The following BCAR3 variants were observed in gnomAD, a reference collection of about 807,000 sequenced individuals.
BCAR3 encodes BCAR3 adaptor protein, NSP family member.
In BCAR3, 37 loss-of-function variants were observed where a neutral mutation model predicts 80.1. That is an observed-to-expected ratio of 0.46 (90% CI 0.36 to 0.61). The LOEUF is 0.61. BCAR3 is among the 20% of genes least tolerant of loss of function. The pLI is 0.00. For synonymous variants in BCAR3, 389 were observed against 418.9 expected (o/e 0.93, Z 0.87); for missense variants, 978 against 1,068.2 (o/e 0.92, Z 1.18).
intron 2 of BCAR3, among the ~76,000 whole-genome samples, chr1:93,718,908 C>A (rs1002432213): frequency 2.0e-5 from 3 of 151,216 alleles, no homozygotes; most frequent in African/African-American, 4.9e-5. Flanking sequence ...CCCTATGTTG[C>A]CCAAGCTGGT....
chr1:93,720,593 G>A (rs1055642082), intron 2 of BCAR3, among the ~76,000 whole-genome samples: 3 of 152,176 alleles, frequency 2.0e-5, no homozygotes, highest in Non-Finnish European at 4.4e-5. Context: ...TCGATGCTCC[G>A]GTGCTGCGAC....
At chr1:93,728,504 A>G (rs151182079) in intron 2 of BCAR3, among the ~76,000 whole-genome samples, 23 of 152,320 alleles carry the variant, frequency 1.5e-4, no homozygotes, top group African/African-American at 5.3e-4. Context: ...GCCTTGGTGT[A>G]CCAGAAGAAT....
intron 1 of BCAR3, among the ~76,000 whole-genome samples, chr1:93,679,323 A>G (rs1000648563): frequency 3.3e-5 from 5 of 152,212 alleles, no homozygotes; most frequent in Non-Finnish European, 7.3e-5. Context: ...GGGTTCACAA[A>G]GGAAGTAACT....
At chr1:93,798,055 T>C (rs925657166) in intron 2 of BCAR3, among the ~76,000 whole-genome samples, 1 of 152,214 alleles carries the variant, frequency 6.6e-6, no homozygotes, top group African/African-American at 2.4e-5. Context: ...ACAAACCTTA[T>C]GAACTACTGT....
At chr1:93,580,753 A>C (rs980380685) in intron 7 of BCAR3, among the ~76,000 whole-genome samples, 1 of 152,216 alleles carries the variant, frequency 6.6e-6, no homozygotes, top group Non-Finnish European at 1.5e-5. Context: ...GAAGGTCCTA[A>C]AACGAATCCC....
intron 2 of BCAR3, among the ~76,000 whole-genome samples, chr1:93,732,134 G>A (rs1380112788): frequency 6.6e-6 from 1 of 152,248 alleles, no homozygotes; most frequent in Non-Finnish European, 1.5e-5. Context: ...GAGGTTCACA[G>A]AACGGGTGGC....
At chr1:93,724,756 C>T (rs1004157776) in intron 2 of BCAR3, among the ~76,000 whole-genome samples, 1 of 152,146 alleles carries the variant, frequency 6.6e-6, no homozygotes, top group Admixed American at 6.5e-5. Flanking sequence ...GGCGGGAAGC[C>T]GATGCAATGT....
At chr1:93,714,405 C>T (rs1650128294) in intron 2 of BCAR3, among the ~76,000 whole-genome samples, 1 of 152,106 alleles carries the variant, frequency 6.6e-6, no homozygotes, top group Non-Finnish European at 1.5e-5. Flanking sequence ...TGTTCTTGGC[C>T]CCTAGAACAC....
intron 4 of BCAR3, among the ~76,000 whole-genome samples, chr1:93,591,332 G>C (rs1203378606): frequency 6.6e-6 from 1 of 151,958 alleles, no homozygotes; most frequent in Non-Finnish European, 1.5e-5. Context: ...AAAGTTAGCA[G>C]GGCATGGTGG....
chr1:93,780,413 C>T (rs561517158), intron 2 of BCAR3, among the ~76,000 whole-genome samples: 1 of 152,300 alleles, frequency 6.6e-6, no homozygotes, highest in Admixed American at 6.5e-5. Flanking sequence ...TGATGATTCT[C>T]TTAAAACTCT....
rs201951027 is a variant in BCAR3, at chr1:93,592,262, T to C, written c.486+3A>G. Reference sequence around the variant, plus strand: ...ATGCTCTGGAAGGGACAAGACCAGGTACCTGTCGGGGGATGCGGCCGTGGT... The same window carrying C: ...ATGCTCTGGAAGGGACAAGACCAGGCACCTGTCGGGGGATGCGGCCGTGGT... On this transcript the variant is annotated splice_donor_region_variant and intron_variant, in intron 4 of 11. Coordinates refer to ENST00000260502, the MANE Select transcript of BCAR3 (RefSeq NM_003567.4). The surrounding 1 kb of genome is among the most constrained non-coding windows in gnomAD (Gnocchi z 4.8). 2,445 of 1,613,514 alleles carry C rather than the reference T, an allele frequency of 1.5e-3. 4 individuals carry two copies. Among genetic ancestry groups the C allele is most frequent in the Admixed American group, 2.3e-3 (136 of 60,020 alleles).
chr1:93,696,098 T>C (rs1159753019), intron 3 of BCAR3, among the ~76,000 whole-genome samples: 5 of 151,818 alleles, frequency 3.3e-5, no homozygotes, highest in Non-Finnish European at 4.4e-5. Context: ...TGGAGTGCAG[T>C]GGCAAAATCA....
At chr1:93,831,925 A>C (rs769485498) in intron 2 of BCAR3, among the ~76,000 whole-genome samples, 1 of 152,138 alleles carries the variant, frequency 6.6e-6, no homozygotes, top group Non-Finnish European at 1.5e-5. Context: ...ACCTCTCCCA[A>C]ATAAGTTAGC....
intron 3 of BCAR3, among the ~76,000 whole-genome samples, chr1:93,610,365 G>A (rs949990899): frequency 6.6e-6 from 1 of 152,056 alleles, no homozygotes; most frequent in Non-Finnish European, 1.5e-5. Context: ...TGAGCTACTG[G>A]GTCTGCTGCT....
At chr1:93,666,589 T>C (rs1418027273) in intron 2 of BCAR3, among the ~76,000 whole-genome samples, 1 of 152,182 alleles carries the variant, frequency 6.6e-6, no homozygotes, top group Non-Finnish European at 1.5e-5. Flanking sequence ...ACTAGGTACC[T>C]GGCATCTAGC....
chr1:93,803,122 C>T (rs886996725), intron 2 of BCAR3, among the ~76,000 whole-genome samples: 14 of 152,162 alleles, frequency 9.2e-5, no homozygotes, highest in Admixed American at 5.2e-4. Flanking sequence ...CTTCTGTTGA[C>T]GGTGAAGCCC....
intron 1 of BCAR3, chr1:93,846,995 T>C (rs1655232622): frequency 5.4e-6 from 1 of 186,732 alleles, no homozygotes; most frequent in South Asian, 2.5e-5. Flanking sequence ...CGCGCGCAGG[T>C]CCAGCCGCGG....
At chr1:93,655,088 T>C (rs957531016) in intron 2 of BCAR3, among the ~76,000 whole-genome samples, 2 of 152,104 alleles carry the variant, frequency 1.3e-5, no homozygotes, top group African/African-American at 4.8e-5. Flanking sequence ...AAGCGCAGCG[T>C]TCGGGGCAGC....
intron 3 of BCAR3, among the ~76,000 whole-genome samples, chr1:93,603,659 A>T (rs916917943): frequency 6.6e-6 from 1 of 152,178 alleles, no homozygotes; most frequent in Non-Finnish European, 1.5e-5. Flanking sequence ...CAGGGGCTCC[A>T]TTTTCAATCA....
Sources: gnomAD v4.1 joint callset for allele counts (sites outside exome capture counted in the v4.1 genomes callset) on GRCh38, gnomAD v4.1.1 for gene constraint, Gnocchi (gnomAD v3.1) non-coding constraint, MANE v1.5 for transcripts, NCBI Gene and HGNC (gene_info 2026-07-23, HGNC 2026-07-21) for gene names.